Variants in WWOX observed in about 807,000 individuals in gnomAD.
WWOX encodes the protein WW domain-containing oxidoreductase.
In WWOX, 69 loss-of-function variants were observed where a neutral mutation model predicts 46.2. The ratio of observed to expected loss-of-function variants is 1.49; its 90% CI spans 1.23 to 1.82. The LOEUF is 1.82. Ranked by LOEUF, WWOX falls within the 40% of genes most tolerant of loss-of-function variation. The pLI is 0.00. For missense variants in WWOX, 919 were observed against 542.6 expected (o/e 1.69, Z -6.89); for synonymous variants, 359 against 202.6 (o/e 1.77, Z -6.56).
chr16:79,102,912 GCTC>G (rs912066931), intron 8 of WWOX, among the ~76,000 whole-genome samples: 21 of 149,670 alleles, frequency 1.4e-4, no homozygotes, highest in African/African-American at 5.1e-4. Context: ...CTGGCTGGTG[GCTC>G]CTCCTCTCTG....
rs141950973 is a variant in WWOX at position 78,913,776 on chromosome 16, C to T, written c.1057-297832C>T. On this transcript the variant is annotated intron_variant, in intron 8 of 8. Transcript: ENST00000566780. Reference sequence around the variant, plus strand: ...TCCTAGGCTGAAGCCATCCTCCCACCGTAGCCTCCTGAATAGCTGGGACTA... The same window carrying T: ...TCCTAGGCTGAAGCCATCCTCCCACTGTAGCCTCCTGAATAGCTGGGACTA... Among the ~76,000 whole-genome samples the T allele has an allele frequency of 1.3e-3, 204 of 151,948 alleles. 2 individuals are homozygous for T. The highest frequency in any genetic ancestry group is 4.4e-3 in the African/African-American group (183 of 41,484).
intron 8 of WWOX, among the ~76,000 whole-genome samples, chr16:78,849,130 A>C (rs891986706): frequency 2.0e-5 from 3 of 152,192 alleles, no homozygotes; most frequent in Non-Finnish European, 2.9e-5. Context: ...CAGTAACTCA[A>C]CATTAACTGT....
chr16:79,182,792 G>T (rs1423155654), intron 8 of WWOX, among the ~76,000 whole-genome samples: 1 of 152,210 alleles, frequency 6.6e-6, no homozygotes, highest in African/African-American at 2.4e-5. Flanking sequence ...GACACTTCGT[G>T]CCTGGCACAG....
chr16:78,410,130 C>T (rs978116313), intron 6 of WWOX, among the ~76,000 whole-genome samples: 4 of 152,166 alleles, frequency 2.6e-5, no homozygotes, highest in African/African-American at 4.8e-5. Flanking sequence ...TGCTCTTGCC[C>T]TCACCATGTT....
chr16:79,210,019 G>C (rs1419959332), intron 8 of WWOX, among the ~76,000 whole-genome samples: 1 of 152,200 alleles, frequency 6.6e-6, no homozygotes, highest in Admixed American at 6.5e-5. Flanking sequence ...TAACAAACCA[G>C]CTACTATTAA....
At chr16:78,996,924 T>G (rs570374078) in intron 8 of WWOX, among the ~76,000 whole-genome samples, 4 of 152,322 alleles carry the variant, frequency 2.6e-5, no homozygotes, top group Non-Finnish European at 5.9e-5. Flanking sequence ...TTTGCTTGTT[T>G]TCAAACACAA....
chr16:78,809,291 A>G (rs182446739), intron 8 of WWOX, among the ~76,000 whole-genome samples: 1 of 150,676 alleles, frequency 6.6e-6, no homozygotes, highest in East Asian at 2.0e-4. Flanking sequence ...CAGGAACCAA[A>G]GCAAAGCCAA....
chr16:78,171,038 T>C (rs1017628604), intron 5 of WWOX, among the ~76,000 whole-genome samples: 1 of 152,350 alleles, frequency 6.6e-6, no homozygotes, highest in South Asian at 2.1e-4. Flanking sequence ...CATTATGTGA[T>C]TGCAGCCTCA....
At chr16:78,289,504 A>T (rs1331331050) in intron 5 of WWOX, among the ~76,000 whole-genome samples, 1 of 152,174 alleles carries the variant, frequency 6.6e-6, no homozygotes, top group Non-Finnish European at 1.5e-5. Context: ...ACTTGGTCTG[A>T]GAAACCCTGT....
intron 8 of WWOX, among the ~76,000 whole-genome samples, chr16:79,054,712 G>C (rs1336790532): frequency 6.6e-6 from 1 of 152,118 alleles, no homozygotes; most frequent in African/African-American, 2.4e-5. Context: ...GTAAGTCCTA[G>C]CTACTCAGGA....
At chr16:78,436,584 T>C (rs539790851) in intron 8 of WWOX, among the ~76,000 whole-genome samples, 26 of 152,338 alleles carry the variant, frequency 1.7e-4, no homozygotes, top group African/African-American at 4.3e-4. Flanking sequence ...CTATATTAGG[T>C]TGATACAGAA....
intron 6 of WWOX, among the ~76,000 whole-genome samples, chr16:78,422,644 C>T (rs1446419316): frequency 3.7e-5 from 2 of 53,532 alleles, no homozygotes; most frequent in African/African-American, 8.2e-5. Context: ...CTGTGCCCAG[C>T]CTCCTGTTTT....
At chr16:78,717,827 T>C (rs549300678) in intron 8 of WWOX, among the ~76,000 whole-genome samples, 49 of 152,252 alleles carry the variant, frequency 3.2e-4, no homozygotes, top group Admixed American at 1.6e-3. Context: ...CTTCCTGCTA[T>C]TTATATTTCC....
intron 8 of WWOX, among the ~76,000 whole-genome samples, chr16:78,754,424 GT>G (rs961852074): frequency 1.4e-4 from 22 of 152,260 alleles, no homozygotes; most frequent in African/African-American, 5.3e-4. Flanking sequence ...GTAGATCAGG[GT>G]TTTGAAGAGT....
At chr16:78,914,991 G>A (rs1459740644) in intron 8 of WWOX, among the ~76,000 whole-genome samples, 1 of 151,864 alleles carries the variant, frequency 6.6e-6, no homozygotes, top group African/African-American at 2.4e-5. Flanking sequence ...CATGTATTAG[G>A]TGGTAAGATA....
intron 8 of WWOX, among the ~76,000 whole-genome samples, chr16:78,911,016 TA>T (rs2045096475): frequency 6.6e-6 from 1 of 151,858 alleles, no homozygotes. Context: ...AAAAATAAAT[TA>T]AAAAAATTAA....
At chr16:78,827,980 T>G (rs962128133) in intron 8 of WWOX, among the ~76,000 whole-genome samples, 4 of 152,164 alleles carry the variant, frequency 2.6e-5, no homozygotes, top group African/African-American at 9.7e-5. Context: ...AGAGTTGCTG[T>G]TGAAATTGTC....
intron 8 of WWOX, among the ~76,000 whole-genome samples, chr16:78,558,257 G>T (rs1275324245): frequency 6.6e-6 from 1 of 152,226 alleles, no homozygotes; most frequent in Non-Finnish European, 1.5e-5. Flanking sequence ...AGTGCCTGGA[G>T]TCTCCATCCT....
chr16:78,314,145 G>T (rs1429906109), intron 5 of WWOX, among the ~76,000 whole-genome samples: 2 of 152,058 alleles, frequency 1.3e-5, no homozygotes, highest in Non-Finnish European at 1.5e-5. Flanking sequence ...GATGGCTGAC[G>T]CCTGGAATCC....
Sources: allele counts gnomAD v4.1 joint callset (sites outside exome capture counted in the v4.1 genomes callset), GRCh38; gene constraint gnomAD v4.1.1; transcripts MANE v1.5; gene names NCBI Gene and HGNC (gene_info 2026-07-23, HGNC 2026-07-21).